The following UPP2 variants were observed in gnomAD, a reference collection of about 807,000 sequenced individuals.
UPP2 encodes the protein UPase 2.
In UPP2, 23 loss-of-function variants were observed where a neutral mutation model predicts 26.7. The observed-to-expected ratio is 0.86, with a 90% CI of 0.62 to 1.22. The LOEUF is 1.22. Among genes scored for constraint, UPP2 ranks in the 50% most tolerant of loss-of-function variants. The pLI is 0.00. For synonymous variants in UPP2, 127 were observed against 141.3 expected (o/e 0.90, Z 0.72); for missense variants, 387 against 396.7 (o/e 0.98, Z 0.21).
upstream of UPP2, among the ~76,000 whole-genome samples, chr2:158,100,449 A>G (rs952840558): frequency 1.3e-5 from 2 of 152,204 alleles, no homozygotes; most frequent in African/African-American, 4.8e-5. Context: ...TGCCAGATTG[A>G]AATTGGTGGT....
chr2:158,083,805 C>CAT (rs777269528), intron 3 of UPP2, among the ~76,000 whole-genome samples: 43 of 144,336 alleles, frequency 3.0e-4, no homozygotes, highest in African/African-American at 4.9e-4. Context: ...TATATATATA[C>CAT]ATATATATAT....
chr2:158,010,503 T>C (rs1219404850), intron 2 of UPP2, among the ~76,000 whole-genome samples: 5 of 152,208 alleles, frequency 3.3e-5, no homozygotes, highest in East Asian at 1.9e-4. Flanking sequence ...ACTAAAGATA[T>C]GTTGCATTTT....
chr2:158,006,733 G>A (rs1683495221), intron 2 of UPP2, among the ~76,000 whole-genome samples: 1 of 152,178 alleles, frequency 6.6e-6, no homozygotes, highest in Non-Finnish European at 1.5e-5. Flanking sequence ...GTCTTCCTAG[G>A]CATACTCGAG....
At chr2:158,028,849 A>G (rs1683876210) in intron 3 of UPP2, among the ~76,000 whole-genome samples, 1 of 152,226 alleles carries the variant, frequency 6.6e-6, no homozygotes, top group Non-Finnish European at 1.5e-5. Context: ...TGATAAAAGC[A>G]TCAGATTTCA....
upstream of UPP2, among the ~76,000 whole-genome samples, chr2:158,099,823 G>C (rs924124329): frequency 6.6e-6 from 1 of 152,226 alleles, no homozygotes; most frequent in Admixed American, 6.5e-5. Flanking sequence ...AGGAAGTGAA[G>C]TGTTTTGTCT....
chr2:158,012,264 T>A (rs1293487726), intron 2 of UPP2, among the ~76,000 whole-genome samples: 21 of 6,408 alleles, frequency 3.3e-3, no homozygotes, highest in African/African-American at 0.019. Flanking sequence ...TGTTTCTACC[T>A]TTTTTTTTTT....
At chr2:158,123,554 G>A (rs1683621869) in intron 5 of UPP2, among the ~76,000 whole-genome samples, 195 bp from the exon 6 acceptor site, 1 of 152,166 alleles carries the variant, frequency 6.6e-6, no homozygotes, top group Non-Finnish European at 1.5e-5. Context: ...CTACGTATGA[G>A]ACTCCTCAGC....
intron 3 of UPP2, among the ~76,000 whole-genome samples, chr2:158,075,435 A>T (rs1252340667): frequency 6.6e-6 from 1 of 152,074 alleles, no homozygotes; most frequent in Non-Finnish European, 1.5e-5. Flanking sequence ...ACCATATGTT[A>T]GGTCACAAAA....
At chr2:158,018,619 A>C (rs1262209493) in intron 3 of UPP2, among the ~76,000 whole-genome samples, 1 of 152,180 alleles carries the variant, frequency 6.6e-6, no homozygotes, top group Non-Finnish European at 1.5e-5. Flanking sequence ...TAATCTCTCT[A>C]TTTGGAAAGC....
intron 3 of UPP2, among the ~76,000 whole-genome samples, chr2:158,050,012 T>C (rs1361686071): frequency 6.6e-6 from 1 of 152,258 alleles, no homozygotes; most frequent in Non-Finnish European, 1.5e-5. Flanking sequence ...TGGTGATTCA[T>C]TTTTTATTTC....
In UPP2 at chr2:158,121,517, T is replaced by C; in HGVS notation, c.563T>C (p.Leu188Pro). ...AACATTGTCACCCGAAGTACTGAAC[T>C]GGACAAAGAACTGTCTGAAGAACTG... ...LDNIVTRSTE[L>P]DKELSEELFN... Residue 188 changes from leucine to proline, a missense_variant, in exon 5 of 7, where the codon CTG becomes CCG. Physicochemically the swap from Leu to Pro is moderately conservative, Grantham distance 98. Coordinates refer to ENST00000005756, the MANE Select transcript of UPP2 (RefSeq NM_173355.4). 1 of 1,613,504 alleles carries C rather than the reference T, an allele frequency of 6.2e-7. No individual in the cohort carries two copies. Among genetic ancestry groups the C allele is most frequent in the Non-Finnish European group, 8.5e-7 (1 of 1,179,490 alleles).
chr2:158,019,389 A>G (rs1406986871), intron 3 of UPP2, among the ~76,000 whole-genome samples: 1 of 152,108 alleles, frequency 6.6e-6, no homozygotes, highest in African/African-American at 2.4e-5. Flanking sequence ...GGGGAGTAGT[A>G]TAGGCGCAGA....
chr2:158,060,503 C>A (rs150285152), intron 3 of UPP2, among the ~76,000 whole-genome samples: 9 of 152,282 alleles, frequency 5.9e-5, no homozygotes, highest in African/African-American at 2.2e-4. Flanking sequence ...ATTCCTTTCT[C>A]AAAAATTTCT....
intron 3 of UPP2, among the ~76,000 whole-genome samples, chr2:158,032,506 G>A (rs1245838079): frequency 6.6e-6 from 1 of 152,130 alleles, no homozygotes; most frequent in Admixed American, 6.5e-5. Flanking sequence ...ACATAGGACA[G>A]GGGAAATATT....
intron 2 of UPP2, among the ~76,000 whole-genome samples, chr2:158,005,608 A>G (rs758278): frequency 0.7 from 106,928 of 152,106 alleles, 38,382 homozygotes; most frequent in East Asian, 0.98. Flanking sequence ...CAGTGGAAGA[A>G]TGGGAAGGAA....
rs181285869 is a variant in UPP2, at chr2:158,096,798, A to G, written c.148-5242A>G. 5.3e-5 allele frequency among the ~76,000 whole-genome samples: 8 copies of G among 152,204 alleles called. No homozygotes were observed. In the East Asian group the frequency reaches 1.5e-3, roughly 29 times the overall value. On this transcript the variant is annotated intron_variant, in intron 3 of 9. Coordinates refer to the UPP2 transcript ENST00000605860. ...GTTGTAAAGGAAGGTAGAGTGGGAT[A>G]GTATTAAGGTAAAATTTTTAAGCAG...
intron 3 of UPP2, chr2:158,065,686 G>T: frequency 1.6e-6 from 1 of 621,568 alleles, no homozygotes; most frequent in Non-Finnish European, 3.0e-6. Context: ...CAATAGATAA[G>T]AGTATGTAAA....
Position 158,051,553 on chromosome 2 carries a change from C to T in UPP2, c.147+35667C>T, listed in dbSNP as rs151019693. 3.8e-3 allele frequency among the ~76,000 whole-genome samples: 580 copies of T among 152,184 alleles called. 3 individuals are homozygous for T. The highest frequency in any genetic ancestry group is 0.013 in the African/African-American group (554 of 41,516). ...ATCCCAGCACTTCGAGAGGCTTAGG[C>T]GGCCAGATCACGAGGTCAGGAGTTC... On this transcript the variant is annotated intron_variant, in intron 3 of 9. Transcript: ENST00000605860.
At chr2:158,074,115 T>C (rs1484257204) in intron 3 of UPP2, among the ~76,000 whole-genome samples, 1 of 152,116 alleles carries the variant, frequency 6.6e-6, no homozygotes, top group East Asian at 1.9e-4. Context: ...ATGCAGAGGT[T>C]TCAGTGAGCC....
Sources: gnomAD v4.1 joint callset for allele counts (sites outside exome capture counted in the v4.1 genomes callset) on GRCh38, gnomAD v4.1.1 for gene constraint, MANE v1.5 for transcripts, NCBI Gene and HGNC (gene_info 2026-07-23, HGNC 2026-07-21) for gene names.